FAAH2: variants seen among roughly 807,000 people sequenced by gnomAD.
FAAH2 encodes the protein fatty acid amide hydrolase 2.
Under a neutral mutation model 36.9 loss-of-function variants are expected in FAAH2, and 60 were observed. That is an observed-to-expected ratio of 1.63 (90% confidence interval 1.32 to 2.02). The LOEUF (loss-of-function observed/expected upper bound fraction) is 2.02, where lower values mean the gene tolerates loss of function less well. Ranked by LOEUF, FAAH2 falls within the 30% of genes most tolerant of loss-of-function variation. The pLI is 0.00. For missense variants in FAAH2, 689 were observed against 397.5 expected (o/e 1.73, Z -6.23); for synonymous variants, 214 against 143.8 (o/e 1.49, Z -3.49).
intron 5 of FAAH2, among the ~76,000 whole-genome samples, chrX:57,350,234 G>A (rs752955572): frequency 9.0e-6 from 1 of 110,888 alleles, no homozygotes; most frequent in African/African-American, 3.3e-5. Flanking sequence ...GATTAGATTG[G>A]CCCTACAAGA....
chrX:57,211,178 T>G, the FAAH2 span, among the ~76,000 whole-genome samples: 1 of 111,673 alleles, frequency 9.0e-6, no homozygotes, highest in Non-Finnish European at 1.9e-5. Context: ...TCCTAATTGA[T>G]ATATAAGTTT....
Position 57,402,890 on chromosome X carries a change from T to A in FAAH2, c.996+21861T>A, listed in dbSNP as rs138233106. 4.2e-3 allele frequency among the ~76,000 whole-genome samples: 476 copies of A among 112,004 alleles called. 3 individuals carry two copies. Among genetic ancestry groups the A allele is most frequent in the African/African-American group, 0.015 (457 of 30,815 alleles). On this transcript the variant is annotated intron_variant, in intron 7 of 10. Coordinates refer to ENST00000374900, the MANE Select transcript of FAAH2 (RefSeq NM_174912.4). ...TTCTCTTTCCTCTGTTGTCATCCTA[T>A]CATTGACCTGACTGAGATACCAGAG...
At chrX:57,180,425 T>C in the FAAH2 span, among the ~76,000 whole-genome samples, 1 of 111,266 alleles carries the variant, frequency 9.0e-6, no homozygotes, top group East Asian at 2.8e-4. Context: ...ACTAAAGAAG[T>C]ATTACCAATA....
At chrX:57,454,066 T>G (rs1253695380) in intron 10 of FAAH2, among the ~76,000 whole-genome samples, 1 of 110,779 alleles carries the variant, frequency 9.0e-6, no homozygotes, top group African/African-American at 3.3e-5. Flanking sequence ...GAGTCACCTC[T>G]CTCCCCCACA....
chrX:57,380,849 G>T lies in FAAH2; in HGVS notation c.879-63G>T, dbSNP rs1232116399. The T allele has an allele frequency of 2.2e-5, 15 of 696,877 alleles. No individual in the cohort carries two copies. In the South Asian group the frequency reaches 4.2e-4, roughly 20 times the overall value. The allele number at this position is 696,877 out of a possible 1,213,427, so 57.4% of individuals were successfully genotyped here. On this transcript the variant is annotated intron_variant, in intron 6 of 10. Coordinates refer to ENST00000374900, the MANE Select transcript of FAAH2 (RefSeq NM_174912.4). ...ATTAGAGCTGAAGCTCAGATGTCAGGATTGAACTATTAAGGATATCTAAAT... is the reference window on the plus strand; with the variant it reads ...ATTAGAGCTGAAGCTCAGATGTCAGTATTGAACTATTAAGGATATCTAAAT...
Position 57,322,809 on chromosome X carries a change from TTTTTTTTTTTG to T in FAAH2, c.413-8784_413-8774del, listed in dbSNP as rs1008608317. On this transcript the variant is annotated intron_variant, in intron 3 of 10. Coordinates refer to ENST00000374900, the MANE Select transcript of FAAH2 (RefSeq NM_174912.4). ...TTCTGCTGCTAATGCTTGTGATTTC[TTTTTTTTTTTG>T]TTTTGTTTTGTTTTCCTTTTTTTTA... is the stretch of plus-strand genomic sequence containing the variant. Among the ~76,000 whole-genome samples, 59 of 4,203 alleles carry T rather than the reference TTTTTTTTTTTG, an allele frequency of 0.014. No individual in the cohort carries two copies. In the Non-Finnish European group the frequency reaches 0.17, roughly 12 times the overall value. 3.6% of individuals were successfully genotyped at this position (4,203 alleles called of 115,157 possible). A position where few individuals can be genotyped will look rare whatever the true frequency, so the allele number is the denominator to read the frequency against.
chrX:57,269,154 C>T, the FAAH2 span, among the ~76,000 whole-genome samples: 1 of 111,605 alleles, frequency 9.0e-6, no homozygotes, highest in South Asian at 3.8e-4. Flanking sequence ...TGGTGAAAGA[C>T]TCAATTCAAC....
the FAAH2 span, among the ~76,000 whole-genome samples, chrX:57,270,191 C>A: frequency 9.0e-6 from 1 of 111,434 alleles, no homozygotes; most frequent in Non-Finnish European, 1.9e-5. Flanking sequence ...CCTGAACAGA[C>A]CAATAATGAG....
intron 5 of FAAH2, among the ~76,000 whole-genome samples, chrX:57,357,734 G>T (rs990407149): frequency 1.8e-5 from 2 of 111,642 alleles, no homozygotes; most frequent in African/African-American, 6.5e-5. Flanking sequence ...TTACACTGTT[G>T]GTTAGAGTGT....
At chrX:57,137,939 T>C in the FAAH2 span, among the ~76,000 whole-genome samples, 1 of 111,516 alleles carries the variant, frequency 9.0e-6, no homozygotes, top group Non-Finnish European at 1.9e-5. Context: ...GTTCCAGAAA[T>C]TCCTATCCAT....
At chrX:57,422,698 C>T (rs1043430905) in intron 7 of FAAH2, among the ~76,000 whole-genome samples, 1 of 111,371 alleles carries the variant, frequency 9.0e-6, no homozygotes, top group Non-Finnish European at 1.9e-5. Flanking sequence ...TATGCCATTG[C>T]CTCTGTCCCT....
At chrX:57,478,885 C>G (rs1325548873) in intron 10 of FAAH2, among the ~76,000 whole-genome samples, 1 of 111,773 alleles carries the variant, frequency 8.9e-6, no homozygotes, top group Non-Finnish European at 1.9e-5. Context: ...GTTTTGGTTA[C>G]TGTAGCCTTG....
chrX:57,418,003 A>G (rs1334923216), intron 7 of FAAH2, among the ~76,000 whole-genome samples: 1 of 111,201 alleles, frequency 9.0e-6, no homozygotes, highest in African/African-American at 3.3e-5. Context: ...CCCCAGTTTG[A>G]ACTTCCTGAA....
intron 10 of FAAH2, among the ~76,000 whole-genome samples, chrX:57,470,769 C>G (rs1007339872): frequency 3.6e-5 from 4 of 111,434 alleles, no homozygotes; most frequent in African/African-American, 1.3e-4. Context: ...CATCCTAATA[C>G]CAAAGCCTGG....
intron 5 of FAAH2, among the ~76,000 whole-genome samples, chrX:57,350,865 G>A (rs1249033377): frequency 9.0e-6 from 1 of 111,324 alleles, no homozygotes; most frequent in Non-Finnish European, 1.9e-5. Flanking sequence ...GACCAAAAGA[G>A]GAGATAGATT....
intron 4 of FAAH2, among the ~76,000 whole-genome samples, chrX:57,332,764 T>G (rs2053443436): frequency 8.9e-6 from 1 of 112,047 alleles, no homozygotes; most frequent in African/African-American, 3.2e-5. Flanking sequence ...CTTCTCTTGC[T>G]TCTTGCACAG....
At chrX:57,158,896 GT>G in the FAAH2 span, among the ~76,000 whole-genome samples, 18 of 112,069 alleles carry the variant, frequency 1.6e-4, no homozygotes, top group African/African-American at 5.2e-4. Flanking sequence ...TGCTTTTGGC[GT>G]TTTAGACATG....
intron 10 of FAAH2, among the ~76,000 whole-genome samples, chrX:57,464,087 G>C (rs2057007351): frequency 8.9e-6 from 1 of 112,047 alleles, no homozygotes; most frequent in South Asian, 3.7e-4. Flanking sequence ...AAATGAATTA[G>C]TTCATGATGT....
rs762091691 is a variant in FAAH2, at chrX:57,323,425, G to T, written c.413-8173G>T. ...AATCACCACACGGACTTCCACAAAG[G>T]TTGAACTAGTTTACAGTCCCACCAA... is the stretch of plus-strand genomic sequence containing the variant. On this transcript the variant is annotated intron_variant, in intron 3 of 10. Coordinates refer to ENST00000374900, the MANE Select transcript of FAAH2 (RefSeq NM_174912.4). 5.4e-5 allele frequency among the ~76,000 whole-genome samples: 6 copies of T among 111,656 alleles called. No homozygotes were observed. In the Admixed American group the frequency reaches 5.7e-4, roughly 11 times the overall value.
Sources: gnomAD v4.1 joint callset for allele counts (sites outside exome capture counted in the v4.1 genomes callset) on GRCh38, gnomAD v4.1.1 for gene constraint, MANE v1.5 for transcripts, NCBI Gene and HGNC (gene_info 2026-07-23, HGNC 2026-07-21) for gene names.